Variants in ZMAT4 observed in about 807,000 individuals in gnomAD.
ZMAT4 encodes the protein zinc finger matrin-type 4.
Under a neutral mutation model 28.7 loss-of-function variants are expected in ZMAT4, and 17 were observed. The observed-to-expected ratio is 0.59, with a 90% CI of 0.41 to 0.89. The LOEUF is 0.89. Ranked by LOEUF, ZMAT4 falls within the 40% of genes least tolerant of loss-of-function variation. The probability of loss-of-function intolerance (pLI) is 0.00; values close to 1 mark genes in which losing one functional copy is unlikely to be tolerated. For synonymous variants in ZMAT4, 117 were observed against 109.2 expected (o/e 1.07, Z -0.44); for missense variants, 240 against 283.8 (o/e 0.85, Z 1.11).
chr8:40,797,573 A>G (rs963144363), intron 2 of ZMAT4, among the ~76,000 whole-genome samples: 3 of 152,186 alleles, frequency 2.0e-5, no homozygotes, highest in African/African-American at 7.2e-5. Flanking sequence ...GCAAAATAAC[A>G]GGGCCCAGAT....
chr8:40,660,448 A>C (rs903959565), intron 5 of ZMAT4, among the ~76,000 whole-genome samples: 2 of 152,210 alleles, frequency 1.3e-5, no homozygotes, highest in Non-Finnish European at 2.9e-5. Flanking sequence ...GAAGGAAAGA[A>C]CCATCCCTTT....
At chr8:40,673,878 A>G (rs1769327470) in intron 5 of ZMAT4, among the ~76,000 whole-genome samples, 1 of 152,104 alleles carries the variant, frequency 6.6e-6, no homozygotes, top group Admixed American at 6.5e-5. Flanking sequence ...TGTCTGGGGC[A>G]GGGGCATGGT....
intron 1 of ZMAT4, among the ~76,000 whole-genome samples, chr8:40,847,079 C>A (rs1816929047): frequency 6.6e-6 from 1 of 151,886 alleles, no homozygotes; most frequent in Admixed American, 6.6e-5. Context: ...GTGGCATGTG[C>A]CTGTAATCCC....
intron 1 of ZMAT4, among the ~76,000 whole-genome samples, chr8:40,831,756 T>C (rs1054229110): frequency 6.6e-6 from 1 of 152,222 alleles, no homozygotes; most frequent in Admixed American, 6.5e-5. Context: ...ATTTCCAAAC[T>C]GCCACTCCGT....
chr8:40,629,089 T>C (rs1370159730), intron 5 of ZMAT4, among the ~76,000 whole-genome samples: 1 of 151,784 alleles, frequency 6.6e-6, no homozygotes, highest in Non-Finnish European at 1.5e-5. Context: ...ATAGTTTACT[T>C]AATGTTATAC....
intron 5 of ZMAT4, among the ~76,000 whole-genome samples, chr8:40,587,931 T>C (rs1042084419): frequency 6.6e-6 from 1 of 151,958 alleles, no homozygotes; most frequent in Non-Finnish European, 1.5e-5. Flanking sequence ...TGAAAATAAG[T>C]TCAAGAAAGT....
At chr8:40,697,174 G>A (rs1372067912) in intron 4 of ZMAT4, 71 bp downstream of exon 4, 2 of 1,460,174 alleles carry the variant, frequency 1.4e-6, no homozygotes, top group Non-Finnish European at 9.1e-7. Context: ...TCTGAAGGAG[G>A]AGCATGATCT....
intron 6 of ZMAT4, among the ~76,000 whole-genome samples, chr8:40,578,047 G>T (rs1045586310): frequency 6.6e-6 from 1 of 151,990 alleles, no homozygotes; most frequent in Non-Finnish European, 1.5e-5. Context: ...AAATTATAGG[G>T]AAACGCAAAG....
At chr8:40,786,601 G>A in intron 2 of ZMAT4, 1 of 978,552 alleles carries the variant, frequency 1.0e-6, no homozygotes, top group Non-Finnish European at 1.4e-6. Flanking sequence ...GCACGTTCTG[G>A]TTATTCTCTT....
chr8:40,693,186 A>AG (rs1309212195), intron 4 of ZMAT4, among the ~76,000 whole-genome samples: 4 of 152,088 alleles, frequency 2.6e-5, no homozygotes, highest in Non-Finnish European at 5.9e-5. Context: ...GTGCAACCTC[A>AG]GCTCACTGCA....
chr8:40,533,991 G>T (rs979203531), intron 6 of ZMAT4, among the ~76,000 whole-genome samples: 9 of 152,256 alleles, frequency 5.9e-5, no homozygotes, highest in African/African-American at 2.2e-4. Flanking sequence ...TTGAAGGACA[G>T]CATCTTCACG....
intron 3 of ZMAT4, among the ~76,000 whole-genome samples, chr8:40,713,865 C>T (rs1810729469): frequency 6.9e-6 from 1 of 144,004 alleles, no homozygotes; most frequent in Non-Finnish European, 1.5e-5. Context: ...GCCAAGATCC[C>T]ACCACTGCAC....
chr8:40,538,577 A>G (rs1422759892), intron 6 of ZMAT4, among the ~76,000 whole-genome samples: 1 of 152,108 alleles, frequency 6.6e-6, no homozygotes, highest in African/African-American at 2.4e-5. Flanking sequence ...TGTCGACGAC[A>G]ACATATTAGC....
At chr8:40,838,702 A>G (rs1157727108) in intron 1 of ZMAT4, among the ~76,000 whole-genome samples, 8 of 152,006 alleles carry the variant, frequency 5.3e-5, no homozygotes, top group Non-Finnish European at 1.0e-4. Context: ...GCCCCTCCTA[A>G]CACCCTCTCA....
chr8:40,625,479 G>A (rs543207641), intron 5 of ZMAT4, among the ~76,000 whole-genome samples: 1 of 152,238 alleles, frequency 6.6e-6, no homozygotes, highest in Middle Eastern at 3.4e-3. Context: ...GGTTGCGATA[G>A]AAGTGGTGAA....
chr8:40,846,536 G>A (rs745496991), intron 1 of ZMAT4, among the ~76,000 whole-genome samples: 5 of 152,194 alleles, frequency 3.3e-5, no homozygotes, highest in Admixed American at 6.5e-5. Context: ...AAATCATTGC[G>A]CTGTTTGTTT....
intron 6 of ZMAT4, among the ~76,000 whole-genome samples, chr8:40,569,136 A>G (rs1804014088): frequency 6.6e-6 from 1 of 152,170 alleles, no homozygotes; most frequent in Non-Finnish European, 1.5e-5. Flanking sequence ...TCCAGCTACA[A>G]AATGAAAATC....
rs573703333 is a variant in ZMAT4 at position 40,634,084 on chromosome 8, T to A, written c.577+40620A>T. On this transcript the variant is annotated intron_variant, in intron 5 of 6. Transcript: ENST00000297737. ...GCACCCAAGCACATTTTTGAAGAAG[T>A]GGTTGGGAAGGTAGAAATGAATGAA... Among the ~76,000 whole-genome samples the A allele has an allele frequency of 4.0e-5, 6 of 151,848 alleles. No homozygotes were observed. In the South Asian group the frequency reaches 1.3e-3, roughly 32 times the overall value.
At chr8:40,763,371 T>G (rs1369530859) in intron 3 of ZMAT4, among the ~76,000 whole-genome samples, 1 of 152,222 alleles carries the variant, frequency 6.6e-6, no homozygotes, top group Non-Finnish European at 1.5e-5. Context: ...GTCAATTACT[T>G]AATCTCTCTG....
Sources: gnomAD v4.1 joint callset for allele counts (sites outside exome capture counted in the v4.1 genomes callset) on GRCh38, gnomAD v4.1.1 for gene constraint, MANE v1.5 for transcripts, NCBI Gene and HGNC (gene_info 2026-07-23, HGNC 2026-07-21) for gene names.